CDH9: variants seen among roughly 807,000 people sequenced by gnomAD.
CDH9 encodes cadherin-9.
Under a neutral mutation model 70.9 loss-of-function variants are expected in CDH9, and 28 were observed. The ratio of observed to expected loss-of-function variants is 0.40; its 90% CI spans 0.29 to 0.54. The LOEUF (loss-of-function observed/expected upper bound fraction) is 0.54, where lower values mean the gene tolerates loss of function less well. Ranked by LOEUF, CDH9 falls within the 20% of genes least tolerant of loss-of-function variation. The pLI, the probability that CDH9 is intolerant of heterozygous loss-of-function variation, is 0.59. For missense variants in CDH9, 874 were observed against 984.4 expected, an observed-to-expected ratio of 0.89 and a Z score of 1.50; for synonymous variants, 409 against 343.1, an observed-to-expected ratio of 1.19 and a Z score of -2.12.
At chr5:26,945,391 A>G (rs1268977450) in intron 2 of CDH9, among the ~76,000 whole-genome samples, 4 of 152,066 alleles carry the variant, frequency 2.6e-5, no homozygotes, top group Non-Finnish European at 5.9e-5. Context: ...TTTTTTCAAA[A>G]AGGCTAATCT....
At chr5:26,974,720 A>C (rs963145190) in intron 2 of CDH9, among the ~76,000 whole-genome samples, 1 of 152,182 alleles carries the variant, frequency 6.6e-6, no homozygotes. Context: ...TATCTACTTA[A>C]GGTGTACAAT....
intron 2 of CDH9, among the ~76,000 whole-genome samples, chr5:26,923,356 C>A (rs1349856041): frequency 6.6e-6 from 1 of 151,652 alleles, no homozygotes; most frequent in Non-Finnish European, 1.5e-5. Context: ...GTCAATTCAG[C>A]AAGAAGATAT....
intron 2 of CDH9, among the ~76,000 whole-genome samples, chr5:26,963,130 TA>T (rs1742067587): frequency 6.6e-6 from 1 of 152,224 alleles, no homozygotes; most frequent in Non-Finnish European, 1.5e-5. Context: ...CAGAACTTAT[TA>T]AATCGCATTA....
intron 9 of CDH9, among the ~76,000 whole-genome samples, chr5:26,887,840 C>T (rs80161242): frequency 8.5e-4 from 129 of 152,146 alleles, no homozygotes; most frequent in African/African-American, 2.9e-3. Context: ...GAGTAATTGG[C>T]GTCCACAAGC....
chr5:26,988,767 G>A (rs999159816), intron 1 of CDH9, among the ~76,000 whole-genome samples: 20 of 151,856 alleles, frequency 1.3e-4, no homozygotes, highest in African/African-American at 4.4e-4. Context: ...ATATACATAC[G>A]TGTATGAAAT....
intron 1 of CDH9, among the ~76,000 whole-genome samples, chr5:26,991,000 G>A (rs1485007702): frequency 6.6e-6 from 1 of 152,186 alleles, no homozygotes; most frequent in Non-Finnish European, 1.5e-5. Flanking sequence ...ATAAACTACA[G>A]TAAGAAATTC....
rs145424421 is a variant in CDH9 at position 27,012,889 on chromosome 5, G to A, written c.-49-24507C>T. ...TTTATTTCAGCTGGAAAGCCCATCT[G>A]AAAATGAGCAAACTCGCATGTTGTT... On this transcript the variant is annotated intron_variant, in intron 1 of 11. Transcript: ENST00000231021. 4.9e-4 allele frequency among the ~76,000 whole-genome samples: 75 copies of A among 152,028 alleles called. No individual in the cohort carries two copies. The East Asian group carries it at 0.013, about 26-fold the overall frequency.
At position 26,954,388 on chromosome 5, in the gene CDH9, C is replaced by CTTT. The variant is rs59882843; in HGVS notation, c.228+33715_228+33717dup. Among the ~76,000 whole-genome samples, 6 of 93,066 alleles carry CTTT rather than the reference C, an allele frequency of 6.4e-5. 1 individual carries two copies. The highest frequency in any genetic ancestry group is 1.9e-4 in the African/African-American group (4 of 21,252). 61.1% of individuals were successfully genotyped at this position (93,066 alleles called of 152,430 possible). A position where few individuals can be genotyped will look rare whatever the true frequency, so the allele number is the denominator to read the frequency against. On this transcript the variant is annotated intron_variant, in intron 2 of 11. Transcript: ENST00000231021. ...AGCTTTTCGCTATTATACAGCCTTT[C>CTTT]TTTTTTTTTTTTTTGAGACATAGTC...
intron 2 of CDH9, among the ~76,000 whole-genome samples, chr5:26,976,548 C>T (rs565042819): frequency 6.6e-5 from 10 of 152,184 alleles, no homozygotes; most frequent in African/African-American, 1.9e-4. Context: ...AGCAATCCTC[C>T]CACCTCAGCC....
intron 1 of CDH9, among the ~76,000 whole-genome samples, chr5:27,025,936 G>A (rs550508292): frequency 6.6e-6 from 1 of 152,064 alleles, no homozygotes; most frequent in South Asian, 2.1e-4. Context: ...CTTACACTAA[G>A]TTCCCACTTC....
At chr5:26,909,200 G>A (rs1379164477) in intron 3 of CDH9, among the ~76,000 whole-genome samples, 2 of 152,026 alleles carry the variant, frequency 1.3e-5, no homozygotes, top group African/African-American at 2.4e-5. Context: ...TAGCCAGGAT[G>A]GTCTCGATCT....
Position 26,936,326 on chromosome 5 carries a change from T to G in CDH9, c.229-20402A>C, listed in dbSNP as rs145300983. 1.6e-4 allele frequency among the ~76,000 whole-genome samples: 25 copies of G among 152,276 alleles called. 1 individual carries two copies. The East Asian group carries it at 4.8e-3, about 29-fold the overall frequency. On this transcript the variant is annotated intron_variant, in intron 2 of 11. Transcript: ENST00000231021. ...GATTGTAATTAAAAAGACAAAATTATCTACATTAATGCCAAAAAAGTAAAA... is the reference window on the plus strand; with the variant it reads ...GATTGTAATTAAAAAGACAAAATTAGCTACATTAATGCCAAAAAAGTAAAA...
intron 2 of CDH9, among the ~76,000 whole-genome samples, chr5:26,928,030 T>C (rs1475956177): frequency 6.6e-6 from 1 of 152,082 alleles, no homozygotes; most frequent in Non-Finnish European, 1.5e-5. Flanking sequence ...AACTCCTTTT[T>C]CACTTTCTGT....
At chr5:26,991,885 T>G (rs907878898) in intron 1 of CDH9, among the ~76,000 whole-genome samples, 25 of 152,098 alleles carry the variant, frequency 1.6e-4, no homozygotes, top group African/African-American at 6.0e-4. Flanking sequence ...AAGAAGTAAT[T>G]TTTATACTTC....
intron 2 of CDH9, among the ~76,000 whole-genome samples, chr5:26,934,813 T>C (rs1482654785): frequency 2.0e-5 from 3 of 151,612 alleles, no homozygotes; most frequent in Non-Finnish European, 2.9e-5. Context: ...GTGAATTCTA[T>C]CCAACATTTA....
At chr5:26,980,486 A>G (rs1245274987) in intron 2 of CDH9, among the ~76,000 whole-genome samples, 1 of 151,984 alleles carries the variant, frequency 6.6e-6, no homozygotes, top group East Asian at 1.9e-4. Flanking sequence ...AGATATTTTC[A>G]CAATATTTCC....
In CDH9 at chr5:26,995,841, T is replaced by C. The variant is rs556801006; in HGVS notation, c.-49-7459A>G. ...AAATACTATCAGATGTACTATAAAGTACAATGTTTTAAATGTGGCTCAACT... is the reference window on the plus strand; with the variant it reads ...AAATACTATCAGATGTACTATAAAGCACAATGTTTTAAATGTGGCTCAACT... On this transcript the variant is annotated intron_variant, in intron 1 of 11. Coordinates refer to ENST00000231021, the MANE Select transcript of CDH9 (RefSeq NM_016279.4). Among the ~76,000 whole-genome samples the C allele has an allele frequency of 3.5e-3, 529 of 152,222 alleles. 3 individuals carry two copies. The highest frequency in any genetic ancestry group is 6.0e-3 in the Non-Finnish European group (407 of 67,954).
intron 1 of CDH9, among the ~76,000 whole-genome samples, chr5:27,021,623 T>A (rs1288781076): frequency 6.6e-6 from 1 of 151,872 alleles, no homozygotes; most frequent in Non-Finnish European, 1.5e-5. Flanking sequence ...TAAGATTTTA[T>A]ATAACGTCAA....
intron 2 of CDH9, among the ~76,000 whole-genome samples, chr5:26,947,158 T>C (rs1463527269): frequency 1.3e-5 from 2 of 152,126 alleles, no homozygotes; most frequent in South Asian, 2.1e-4. Flanking sequence ...TCCTCTTTGG[T>C]GGAAAACATT....
Sources: gnomAD v4.1 joint callset for allele counts (sites outside exome capture counted in the v4.1 genomes callset) on GRCh38, gnomAD v4.1.1 for gene constraint, MANE v1.5 for transcripts, NCBI Gene and HGNC (gene_info 2026-07-23, HGNC 2026-07-21) for gene names.